RIT2: variants seen among roughly 807,000 people sequenced by gnomAD.
RIT2 encodes the protein Ras like without CAAX 2.
A neutral mutation model predicts 23.7 loss-of-function variants in RIT2; 24 were observed. The ratio of observed to expected loss-of-function variants is 1.01; its 90% CI spans 0.73 to 1.43. The LOEUF (loss-of-function observed/expected upper bound fraction) is 1.43, where lower values mean the gene tolerates loss of function less well. RIT2 is among the 40% of genes most tolerant of loss of function. The pLI is 0.00. For synonymous variants in RIT2, 107 were observed against 91.1 expected (o/e 1.17, Z -0.99); for missense variants, 236 against 266.9 (o/e 0.88, Z 0.81).
At chr18:42,935,945 A>C (rs1909446110) in intron 3 of RIT2, among the ~76,000 whole-genome samples, 1 of 151,846 alleles carries the variant, frequency 6.6e-6, no homozygotes, top group African/African-American at 2.4e-5. Flanking sequence ...ATGCAGATGA[A>C]GGAATGGCCT....
intron 4 of RIT2, among the ~76,000 whole-genome samples, chr18:42,786,708 G>T (rs986491160): frequency 1.3e-5 from 2 of 151,994 alleles, no homozygotes; most frequent in African/African-American, 2.4e-5. Flanking sequence ...GTCACATAGA[G>T]CTCCTCATTT....
intron 1 of RIT2, among the ~76,000 whole-genome samples, chr18:43,074,903 A>G (rs1444882084): frequency 6.6e-6 from 1 of 152,192 alleles, no homozygotes; most frequent in Non-Finnish European, 1.5e-5. Flanking sequence ...TTTTGAGAGC[A>G]CAGTGGGAGG....
chr18:42,811,122 T>C (rs16976943), intron 4 of RIT2, among the ~76,000 whole-genome samples: 11,306 of 152,020 alleles, frequency 0.074, 1,346 homozygotes, highest in African/African-American at 0.25. Context: ...TTAGATATGA[T>C]TGTTTCTTAT....
At chr18:43,058,501 C>G (rs144109925) in intron 1 of RIT2, among the ~76,000 whole-genome samples, 53 of 152,214 alleles carry the variant, frequency 3.5e-4, no homozygotes, top group African/African-American at 1.3e-3. Flanking sequence ...AGATTTGATA[C>G]GTCCTTGTGT....
chr18:42,863,696 C>A (rs1417766214), intron 4 of RIT2, among the ~76,000 whole-genome samples: 1 of 152,124 alleles, frequency 6.6e-6, no homozygotes. Flanking sequence ...TTCATTGGAA[C>A]CTTTCTCATG....
At chr18:43,112,379 G>T (rs948322020) in intron 1 of RIT2, among the ~76,000 whole-genome samples, 5 of 152,180 alleles carry the variant, frequency 3.3e-5, no homozygotes, top group African/African-American at 1.2e-4. Flanking sequence ...GCCCATGCCT[G>T]CCATGCAATG....
intron 1 of RIT2, among the ~76,000 whole-genome samples, chr18:43,036,953 T>C (rs1350633039): frequency 5.3e-5 from 8 of 152,212 alleles, no homozygotes; most frequent in Non-Finnish European, 1.2e-4. Context: ...GAGATTAAAT[T>C]TTATTTCATT....
chr18:42,753,777 T>A (rs1203770230), intron 4 of RIT2, among the ~76,000 whole-genome samples: 1 of 152,240 alleles, frequency 6.6e-6, no homozygotes, highest in Non-Finnish European at 1.5e-5. Flanking sequence ...ATAATATTAA[T>A]GACCTTGCCA....
chr18:43,105,490 G>GAGGAAGGGAGGAAGGGAGGAAGGA (rs1913796197), intron 1 of RIT2, among the ~76,000 whole-genome samples: 1 of 118,240 alleles, frequency 8.5e-6, no homozygotes, highest in African/African-American at 3.3e-5. Context: ...GGGAGGAAGG[G>GAGGAAGGGAGGAAGGGAGGAAGGA]AGGAAGAAAG....
At chr18:42,957,952 A>G (rs1469580366) in intron 3 of RIT2, among the ~76,000 whole-genome samples, 1 of 152,178 alleles carries the variant, frequency 6.6e-6, no homozygotes, top group Non-Finnish European at 1.5e-5. Flanking sequence ...TCTTGCTGCC[A>G]GGATTTAGAA....
chr18:43,009,498 G>A (rs1006805377), intron 2 of RIT2, among the ~76,000 whole-genome samples: 1 of 151,684 alleles, frequency 6.6e-6, no homozygotes, highest in East Asian at 2.0e-4. Context: ...AAGAAAAAGA[G>A]AAGTGTCAGG....
chr18:43,036,607 C>G (rs965265751), intron 1 of RIT2, among the ~76,000 whole-genome samples: 1 of 150,800 alleles, frequency 6.6e-6, no homozygotes, highest in African/African-American at 2.4e-5. Flanking sequence ...TATATATTTA[C>G]ATGATGGAGT....
chr18:42,874,637 T>C (rs1187386030), intron 4 of RIT2, among the ~76,000 whole-genome samples: 1 of 152,144 alleles, frequency 6.6e-6, no homozygotes, highest in Non-Finnish European at 1.5e-5. Context: ...ATTTTGCCTG[T>C]TTCTCGTATG....
At chr18:42,980,700 G>A (rs1910579669) in intron 2 of RIT2, among the ~76,000 whole-genome samples, 1 of 152,080 alleles carries the variant, frequency 6.6e-6, no homozygotes, top group Admixed American at 6.6e-5. Flanking sequence ...AAAACCCAAT[G>A]AGGAAGGGCA....
rs184813429 is a variant in RIT2 at position 43,036,310 on chromosome 18, C to T, written c.104-2443G>A. Among the ~76,000 whole-genome samples, 6 of 152,118 alleles carry T rather than the reference C, an allele frequency of 3.9e-5. No homozygotes were observed. In the East Asian group the frequency reaches 1.2e-3, roughly 29 times the overall value. On this transcript the variant is annotated intron_variant, in intron 1 of 4. Transcript: ENST00000326695. ...ATCCTAGCGCTTTGGGAGGCCAAGGCGGGTGGATCACCTGAGGTCAGGAGT... is the reference window on the plus strand; with the variant it reads ...ATCCTAGCGCTTTGGGAGGCCAAGGTGGGTGGATCACCTGAGGTCAGGAGT...
At chr18:42,834,929 AT>A (rs1186801434) in intron 4 of RIT2, among the ~76,000 whole-genome samples, 1 of 152,152 alleles carries the variant, frequency 6.6e-6, no homozygotes, top group African/African-American at 2.4e-5. Context: ...TTGTTAAACA[AT>A]GCAAGCACAG....
intron 4 of RIT2, among the ~76,000 whole-genome samples, chr18:42,797,115 A>G (rs1905388233): frequency 1.3e-5 from 2 of 152,224 alleles, no homozygotes; most frequent in South Asian, 4.1e-4. Context: ...CCAGGCCCTC[A>G]GGAGATGGCC....
intron 1 of RIT2, among the ~76,000 whole-genome samples, chr18:43,078,158 A>G (rs549897807): frequency 1.9e-3 from 288 of 152,256 alleles, no homozygotes; most frequent in African/African-American, 6.6e-3. Context: ...GAGTAATGAC[A>G]TTGTCAGTGT....
At chr18:42,982,024 T>A (rs1224817413) in intron 2 of RIT2, among the ~76,000 whole-genome samples, 1 of 152,210 alleles carries the variant, frequency 6.6e-6, no homozygotes, top group Admixed American at 6.5e-5. Context: ...GATGGGTCAC[T>A]ACCATCTATG....
Sources: gnomAD v4.1 joint callset for allele counts (sites outside exome capture counted in the v4.1 genomes callset) on GRCh38, gnomAD v4.1.1 for gene constraint, MANE v1.5 for transcripts, NCBI Gene and HGNC (gene_info 2026-07-23, HGNC 2026-07-21) for gene names.